Variants in DNAH3 observed in about 807,000 individuals in gnomAD.
The protein encoded by DNAH3 is dynein axonemal heavy chain 3, also known as axonemal beta dynein heavy chain 3.
Under a neutral mutation model 432.5 loss-of-function variants are expected in DNAH3, and 332 were observed. The ratio of observed to expected loss-of-function variants is 0.77; its 90% CI spans 0.70 to 0.84. The LOEUF (loss-of-function observed/expected upper bound fraction) is 0.84. DNAH3 is among the 40% of genes least tolerant of loss of function. The pLI is 0.00. For synonymous variants in DNAH3, 1,956 were observed against 1,900.2 expected (o/e 1.03, Z -0.76); for missense variants, 4,861 against 5,114.0 (o/e 0.95, Z 1.51).
chr16:21,016,313 G>A (rs1454017545), intron 41 of DNAH3, among the ~76,000 whole-genome samples: 1 of 152,122 alleles, frequency 6.6e-6, no homozygotes, highest in East Asian at 1.9e-4. Context: ...TAAAAGTACA[G>A]AATGATCTTA....
chr16:21,030,322 A>C (rs1029500965), intron 37 of DNAH3, among the ~76,000 whole-genome samples: 1 of 152,216 alleles, frequency 6.6e-6, no homozygotes, highest in African/African-American at 2.4e-5. Context: ...CCACATAGGA[A>C]GCGCCACTAC....
At chr16:21,081,543 A>AG in intron 20 of DNAH3, 93 bp downstream of exon 20, 1 of 1,036,150 alleles carries the variant, frequency 9.7e-7, no homozygotes, top group Non-Finnish European at 1.4e-6. Flanking sequence ...GGAAAAAAAA[A>AG]CAAACAGCCC....
At chr16:21,061,782 T>C (rs1425762586) in intron 25 of DNAH3, among the ~76,000 whole-genome samples, 1 of 152,208 alleles carries the variant, frequency 6.6e-6, no homozygotes, top group Non-Finnish European at 1.5e-5. Flanking sequence ...GTCATTTGGA[T>C]TTTGATCAAA....
At chr16:21,131,187 A>T (rs532741059) in intron 7 of DNAH3, among the ~76,000 whole-genome samples, 4 of 152,172 alleles carry the variant, frequency 2.6e-5, no homozygotes, top group African/African-American at 9.6e-5. Context: ...AAATGTAAAA[A>T]TTAGTCAGAC....
intron 11 of DNAH3, among the ~76,000 whole-genome samples, chr16:21,118,188 A>C (rs373331902): frequency 6.6e-6 from 1 of 151,716 alleles, no homozygotes; most frequent in Non-Finnish European, 1.5e-5. Flanking sequence ...GAGCTTCACC[A>C]TGTTGGCCAG....
chr16:21,066,202 G>A (rs1002579267), intron 24 of DNAH3, among the ~76,000 whole-genome samples: 13 of 146,478 alleles, frequency 8.9e-5, no homozygotes, highest in African/African-American at 3.3e-4. Context: ...AACTAACTTT[G>A]TCTCCATATA....
At chr16:21,097,583 T>C (rs2091721970) in intron 17 of DNAH3, 84 bp from the exon 18 acceptor site, 2 of 1,521,524 alleles carry the variant, frequency 1.3e-6, no homozygotes, top group African/African-American at 1.4e-5. Context: ...CCTCAGTGCC[T>C]TGAAAACCAA....
intron 43 of DNAH3, among the ~76,000 whole-genome samples, chr16:20,998,858 A>C (rs1325226300): frequency 6.6e-6 from 1 of 151,920 alleles, no homozygotes; most frequent in Non-Finnish European, 1.5e-5. Context: ...ACATTATCTC[A>C]TATAATCCGA....
chr16:20,941,645 C>G, intron 58 of DNAH3, 102 bp from the exon 59 acceptor site: 1 of 1,423,802 alleles, frequency 7.0e-7, no homozygotes, highest in Non-Finnish European at 9.5e-7. Flanking sequence ...CAAATGTATT[C>G]TGTGGGACTT....
intron 18 of DNAH3, among the ~76,000 whole-genome samples, chr16:21,087,345 G>C (rs2091411302): frequency 6.6e-6 from 1 of 152,204 alleles, no homozygotes; most frequent in Non-Finnish European, 1.5e-5. Flanking sequence ...CATAATGCCT[G>C]GCATATAATG....
chr16:21,102,877 C>CTTTT (rs550772745), intron 16 of DNAH3, among the ~76,000 whole-genome samples: 1 of 135,272 alleles, frequency 7.4e-6, no homozygotes, highest in African/African-American at 2.7e-5. Flanking sequence ...GACTATTATT[C>CTTTT]TTTTTTTTTT....
chr16:21,105,436 G>T (rs1250233700), intron 15 of DNAH3, among the ~76,000 whole-genome samples: 2 of 152,186 alleles, frequency 1.3e-5, no homozygotes, highest in Non-Finnish European at 2.9e-5. Context: ...ATGAAGAAAA[G>T]TGTCTCGGCC....
chr16:21,081,254 A>G (rs1048752300), intron 20 of DNAH3, among the ~76,000 whole-genome samples: 31 of 152,072 alleles, frequency 2.0e-4, no homozygotes, highest in African/African-American at 7.2e-4. Flanking sequence ...GTTTCACACA[A>G]TCTTAAAGCT....
At chr16:21,071,881 C>T (rs1400865914) in intron 21 of DNAH3, among the ~76,000 whole-genome samples, 1 of 152,148 alleles carries the variant, frequency 6.6e-6, no homozygotes, top group Non-Finnish European at 1.5e-5. Context: ...GCTCTCCTTT[C>T]CCTTGGGTAG....
At chr16:20,970,522 C>T (rs996174341) in intron 51 of DNAH3, among the ~76,000 whole-genome samples, 1 of 152,196 alleles carries the variant, frequency 6.6e-6, no homozygotes, top group Non-Finnish European at 1.5e-5. Flanking sequence ...GAAATTGAAA[C>T]TCTGTCTAAA....
intron 35 of DNAH3, among the ~76,000 whole-genome samples, chr16:21,036,180 C>T (rs1319886001): frequency 6.6e-6 from 1 of 151,960 alleles, no homozygotes. Flanking sequence ...CAAAAATTAG[C>T]TGGGGGGTGG....
At chr16:21,069,963 GAAACA>G (rs982738041) in intron 22 of DNAH3, among the ~76,000 whole-genome samples, 7 of 152,286 alleles carry the variant, frequency 4.6e-5, no homozygotes, top group Admixed American at 2.6e-4. Context: ...TGTAGAAACT[GAAACA>G]CAACAGTTTA....
At chr16:20,987,277 G>C (rs1197514542) in intron 47 of DNAH3, 28 bp downstream of exon 47, 1 of 1,611,840 alleles carries the variant, frequency 6.2e-7, no homozygotes, top group East Asian at 2.2e-5. Context: ...CCATTTCTGA[G>C]GTCAAATGAT....
At chr16:20,938,346 C>T (rs557557756) in intron 59 of DNAH3, among the ~76,000 whole-genome samples, 4 of 151,494 alleles carry the variant, frequency 2.6e-5, no homozygotes, top group South Asian at 2.1e-4. Flanking sequence ...GCTAAGATCA[C>T]GCCATTGCAC....
Sources: gnomAD v4.1 joint callset for allele counts (sites outside exome capture counted in the v4.1 genomes callset) on GRCh38, gnomAD v4.1.1 for gene constraint, MANE v1.5 for transcripts, NCBI Gene and HGNC (gene_info 2026-07-23, HGNC 2026-07-21) for gene names.